The following SPMIP11 variants were observed in gnomAD, a reference collection of about 807,000 sequenced individuals.
SPMIP11 encodes the protein sperm microtubule inner protein 11.
chr12:48,760,429 C>G, the SPMIP11 span, among the ~76,000 whole-genome samples: 1 of 151,938 alleles, frequency 6.6e-6, no homozygotes, highest in African/African-American at 2.4e-5. Flanking sequence ...CCTCCCACCT[C>G]GGCCTCCCAC....
At chr12:48,746,742 G>A in the SPMIP11 span, among the ~76,000 whole-genome samples, 13 of 151,418 alleles carry the variant, frequency 8.6e-5, no homozygotes, top group Admixed American at 3.3e-4. Flanking sequence ...CCAACATGGC[G>A]AAACCCTGTC....
At chr12:48,760,077 G>A in the SPMIP11 span, among the ~76,000 whole-genome samples, 21 of 152,198 alleles carry the variant, frequency 1.4e-4, no homozygotes, top group African/African-American at 3.6e-4. Context: ...GATTACAGGC[G>A]TGAGCCACCA....
At chr12:48,745,403 G>A in the SPMIP11 span, among the ~76,000 whole-genome samples, 1 of 151,894 alleles carries the variant, frequency 6.6e-6, no homozygotes, top group African/African-American at 2.4e-5. Flanking sequence ...TCAGGAGTTC[G>A]AGACCAGCCT....
the SPMIP11 span, among the ~76,000 whole-genome samples, chr12:48,761,863 C>T: frequency 6.7e-6 from 1 of 148,718 alleles, no homozygotes; most frequent in African/African-American, 2.5e-5. Flanking sequence ...GCTGAGACTA[C>T]AGGCATGTGC....
chr12:48,734,190 A>T, the SPMIP11 span, among the ~76,000 whole-genome samples: 12 of 152,136 alleles, frequency 7.9e-5, no homozygotes, highest in Non-Finnish European at 1.8e-4. Flanking sequence ...CTGCAGCCTC[A>T]AACTCCTGGG....
chr12:48,761,719 CTTTTTTTTTTTT>C, the SPMIP11 span, among the ~76,000 whole-genome samples: 2 of 95,244 alleles, frequency 2.1e-5, no homozygotes, highest in African/African-American at 8.8e-5. Flanking sequence ...ATATAACATT[CTTTTTTTTTTTT>C]TTTTTTTTTT....
chr12:48,759,200 T>C, the SPMIP11 span: 3 of 702,686 alleles, frequency 4.3e-6, no homozygotes, highest in African/African-American at 1.7e-5. Flanking sequence ...GAGTCTACTC[T>C]AATTTCAGAC....
the SPMIP11 span, among the ~76,000 whole-genome samples, chr12:48,734,998 T>C: frequency 8.4e-4 from 62 of 74,214 alleles, no homozygotes; most frequent in African/African-American, 3.4e-3. Context: ...AGCAAGACTC[T>C]GTCTCAAAAA....
At chr12:48,754,283 T>C in the SPMIP11 span, among the ~76,000 whole-genome samples, 1 of 152,028 alleles carries the variant, frequency 6.6e-6, no homozygotes, top group South Asian at 2.1e-4. Context: ...CACATGCCTG[T>C]AGTCTCAACT....
At chr12:48,764,137 C>G in the SPMIP11 span, among the ~76,000 whole-genome samples, 1 of 151,940 alleles carries the variant, frequency 6.6e-6, no homozygotes, top group East Asian at 1.9e-4. Context: ...CATGCACCAC[C>G]ACGCCCGGCT....
At chr12:48,736,744 G>A in the SPMIP11 span, among the ~76,000 whole-genome samples, 1 of 149,570 alleles carries the variant, frequency 6.7e-6, no homozygotes, top group Non-Finnish European at 1.5e-5. Context: ...CCTGCAATAT[G>A]CCAAGAAGCT....
At chr12:48,763,626 A>G in the SPMIP11 span, among the ~76,000 whole-genome samples, 1 of 152,320 alleles carries the variant, frequency 6.6e-6, no homozygotes, top group Non-Finnish European at 1.5e-5. Context: ...AGTTTTAAAA[A>G]TATACAAATT....
chr12:48,734,483 C>T, the SPMIP11 span, among the ~76,000 whole-genome samples: 2 of 152,130 alleles, frequency 1.3e-5, no homozygotes, highest in African/African-American at 4.8e-5. Flanking sequence ...CACACACTTT[C>T]CATCCCCCAC....
At chr12:48,739,454 A>G in the SPMIP11 span, among the ~76,000 whole-genome samples, 2 of 152,236 alleles carry the variant, frequency 1.3e-5, no homozygotes, top group Non-Finnish European at 2.9e-5. Flanking sequence ...TTTCTGTCCT[A>G]TACCTGTGCC....
At chr12:48,730,757 G>C in the SPMIP11 span, among the ~76,000 whole-genome samples, 1 of 152,096 alleles carries the variant, frequency 6.6e-6, no homozygotes, top group Non-Finnish European at 1.5e-5. Context: ...GGCCAACGTG[G>C]TGAAACTCCA....
the SPMIP11 span, chr12:48,768,837 A>G: frequency 6.4e-7 from 1 of 1,550,882 alleles, no homozygotes. Context: ...CCATACACAG[A>G]ACACTAGCCA....
the SPMIP11 span, among the ~76,000 whole-genome samples, chr12:48,735,287 C>A: frequency 2.9e-4 from 44 of 152,264 alleles, 1 homozygote; most frequent in Middle Eastern, 0.021. Flanking sequence ...AGCCTTCCGA[C>A]CTACAGAACT....
chr12:48,770,935 C>T, the SPMIP11 span: 1 of 1,614,188 alleles, frequency 6.2e-7, no homozygotes, highest in South Asian at 1.1e-5. Flanking sequence ...TCGTCTTGAT[C>T]TTTTCCAGCT....
chr12:48,768,857 T>G, the SPMIP11 span: 1 of 1,552,322 alleles, frequency 6.4e-7, no homozygotes, highest in Non-Finnish European at 8.7e-7. Flanking sequence ...ACCCTACCCC[T>G]GTCCTAGCAG....
Sources: allele counts gnomAD v4.1 joint callset (sites outside exome capture counted in the v4.1 genomes callset), GRCh38; gene constraint gnomAD v4.1.1; transcripts MANE v1.5; gene names NCBI Gene and HGNC (gene_info 2026-07-23, HGNC 2026-07-21).